DLG2: variants seen among roughly 807,000 people sequenced by gnomAD.
DLG2 encodes discs large MAGUK scaffold protein 2.
DLG2 carries 45 observed loss-of-function variants against 132.5 expected under a neutral mutation model. That is an observed-to-expected ratio of 0.34 (90% CI 0.27 to 0.44). The LOEUF (loss-of-function observed/expected upper bound fraction) is 0.44, where lower values mean the gene tolerates loss of function less well. Ranked by LOEUF, DLG2 falls within the 20% of genes least tolerant of loss-of-function variation. DLG2 has a pLI of 1.00. For synonymous variants in DLG2, 424 were observed against 419.6 expected (o/e 1.01, Z -0.13); for missense variants, 1,045 against 1,196.9 (o/e 0.87, Z 1.87).
chr11:85,347,879 T>C (rs573955342), intron 3 of DLG2, among the ~76,000 whole-genome samples: 4 of 143,748 alleles, frequency 2.8e-5, no homozygotes, highest in East Asian at 4.1e-4. Context: ...TCTCGGCACA[T>C]TGCAGCCTCG....
At chr11:83,863,450 G>T (rs138461796) in intron 16 of DLG2, among the ~76,000 whole-genome samples, 280 of 152,192 alleles carry the variant, frequency 1.8e-3, no homozygotes, top group Middle Eastern at 0.017. Flanking sequence ...TGTGTGAGAG[G>T]TGCACAGGAA....
intron 4 of DLG2, among the ~76,000 whole-genome samples, chr11:85,259,888 C>T (rs2076854507): frequency 6.6e-6 from 1 of 152,042 alleles, no homozygotes; most frequent in African/African-American, 2.4e-5. Flanking sequence ...TTATACATTT[C>T]CTGTACCTAA....
In DLG2 at chr11:83,671,898, G is replaced by A. The variant is rs1326550331; in HGVS notation, c.1826-38573C>T. Among the ~76,000 whole-genome samples, 7 of 152,110 alleles carry A rather than the reference G, an allele frequency of 4.6e-5. No individual in the cohort carries two copies. In the East Asian group the frequency reaches 7.7e-4, roughly 17 times the overall value. Reference sequence around the variant, plus strand: ...TGTCATGACTTGTTTTACCATTTATGTTTTGTTTGAATTGAAATACACAAA... The same window carrying A: ...TGTCATGACTTGTTTTACCATTTATATTTTGTTTGAATTGAAATACACAAA... On this transcript the variant is annotated intron_variant, in intron 18 of 27. Coordinates refer to ENST00000376104, the MANE Select transcript of DLG2 (RefSeq NM_001142699.3).
In DLG2 at chr11:83,789,926, C is replaced by A. The variant is rs911082442; in HGVS notation, c.1723-3134G>T. 5 of 1,006,292 alleles carry A rather than the reference C, an allele frequency of 5.0e-6. No individual in the cohort carries two copies. The African/African-American group carries it at 8.3e-5, about 17-fold the overall frequency. 62.3% of individuals were successfully genotyped at this position (1,006,292 alleles called of 1,614,324 possible). On this transcript the variant is annotated intron_variant, in intron 17 of 27. Transcript: ENST00000376104. ...AAGTTTGTAAACTGTGTTTCAATCT[C>A]TTTTTCTTATTCCCAAAGTGCAAGA...
chr11:83,513,406 T>G (rs1167297214), intron 21 of DLG2, among the ~76,000 whole-genome samples: 2 of 152,234 alleles, frequency 1.3e-5, no homozygotes, highest in Non-Finnish European at 2.9e-5. Context: ...TTGTTGGAGT[T>G]CATTGTAGAT....
chr11:83,996,285 C>G (rs1374406936), intron 11 of DLG2, among the ~76,000 whole-genome samples: 2 of 152,042 alleles, frequency 1.3e-5, no homozygotes, highest in Non-Finnish European at 2.9e-5. Context: ...TCATCTCACC[C>G]CAGTTAAAAT....
At chr11:84,063,359 G>A (rs542920151) in intron 10 of DLG2, among the ~76,000 whole-genome samples, 1 of 152,244 alleles carries the variant, frequency 6.6e-6, no homozygotes, top group South Asian at 2.1e-4. Flanking sequence ...GAAACAAAAA[G>A]GATAGTCTAT....
chr11:83,556,871 CAAGGA>C (rs1253173975), intron 19 of DLG2, among the ~76,000 whole-genome samples: 1 of 152,158 alleles, frequency 6.6e-6, no homozygotes, highest in Non-Finnish European at 1.5e-5. Context: ...GATGACTAGA[CAAGGA>C]ACCAGAGGTA....
chr11:84,320,255 G>A (rs79584306), intron 7 of DLG2, among the ~76,000 whole-genome samples: 14,400 of 152,166 alleles, frequency 0.095, 734 homozygotes, highest in Non-Finnish European at 0.1. Context: ...CAAAGCAAGC[G>A]TTTAAGACTA....
At chr11:85,236,088 C>A (rs768379589) in intron 4 of DLG2, among the ~76,000 whole-genome samples, 3 of 151,836 alleles carry the variant, frequency 2.0e-5, no homozygotes, top group Admixed American at 6.6e-5. Flanking sequence ...ATTCTAAGAT[C>A]TTTACATATA....
At chr11:84,962,223 T>A (rs2052680851) in intron 6 of DLG2, among the ~76,000 whole-genome samples, 1 of 152,152 alleles carries the variant, frequency 6.6e-6, no homozygotes. Context: ...AACTGAAACT[T>A]CACGAGGGAG....
At chr11:85,564,779 T>A (rs1166329642) in intron 3 of DLG2, among the ~76,000 whole-genome samples, 2 of 152,014 alleles carry the variant, frequency 1.3e-5, no homozygotes, top group Non-Finnish European at 2.9e-5. Flanking sequence ...TCAATTTTTT[T>A]AAAAGCAGAG....
intron 19 of DLG2, among the ~76,000 whole-genome samples, chr11:83,590,414 C>T (rs1213973803): frequency 6.6e-6 from 1 of 152,042 alleles, no homozygotes; most frequent in Non-Finnish European, 1.5e-5. Flanking sequence ...GAAATGAAGG[C>T]AGAAATAAAG....
chr11:83,576,541 T>C (rs758472161), intron 19 of DLG2, among the ~76,000 whole-genome samples: 1 of 152,014 alleles, frequency 6.6e-6, no homozygotes, highest in Non-Finnish European at 1.5e-5. Flanking sequence ...AAAAGAAACA[T>C]GCTTCATGCA....
intron 6 of DLG2, among the ~76,000 whole-genome samples, chr11:84,543,956 T>A (rs1441488618): frequency 6.6e-6 from 1 of 152,214 alleles, no homozygotes; most frequent in Non-Finnish European, 1.5e-5. Context: ...CCAAGCAACG[T>A]CAGATATTTT....
chr11:85,197,361 T>A (rs1441622932), intron 4 of DLG2, among the ~76,000 whole-genome samples: 1 of 152,038 alleles, frequency 6.6e-6, no homozygotes, highest in African/African-American at 2.4e-5. Flanking sequence ...AATGCACATA[T>A]TTATAGATAC....
At chr11:85,504,715 T>C (rs1433767485) in intron 3 of DLG2, among the ~76,000 whole-genome samples, 1 of 152,224 alleles carries the variant, frequency 6.6e-6, no homozygotes, top group Non-Finnish European at 1.5e-5. Context: ...TGATTCCATA[T>C]GAACTTTAAG....
intron 6 of DLG2, among the ~76,000 whole-genome samples, chr11:84,743,274 C>G (rs1468392087): frequency 6.6e-6 from 1 of 152,098 alleles, no homozygotes; most frequent in Admixed American, 6.6e-5. Flanking sequence ...AAATTCATAT[C>G]TATTAACACT....
At chr11:83,818,827 A>G (rs1196748130) in intron 17 of DLG2, among the ~76,000 whole-genome samples, 1 of 152,184 alleles carries the variant, frequency 6.6e-6, no homozygotes, top group Non-Finnish European at 1.5e-5. Flanking sequence ...GTAAAAAGAC[A>G]TTAGAGAAGA....
Sources: gnomAD v4.1 joint callset for allele counts (sites outside exome capture counted in the v4.1 genomes callset) on GRCh38, gnomAD v4.1.1 for gene constraint, MANE v1.5 for transcripts, NCBI Gene and HGNC (gene_info 2026-07-23, HGNC 2026-07-21) for gene names.